Variants in MAP3K7CL observed in about 807,000 individuals in gnomAD.
MAP3K7CL encodes the protein MAP3K7 C-terminal-like protein.
MAP3K7CL carries 16 observed loss-of-function variants against 18.6 expected under a neutral mutation model. The observed-to-expected ratio is 0.86, with a 90% CI of 0.58 to 1.31. The LOEUF (loss-of-function observed/expected upper bound fraction) is 1.31, where lower values mean the gene tolerates loss of function less well. Ranked by LOEUF, MAP3K7CL falls within the 50% of genes most tolerant of loss-of-function variation. The pLI, the probability that MAP3K7CL is intolerant of heterozygous loss-of-function variation, is 0.00. For missense variants in MAP3K7CL, 163 were observed against 174.4 expected (o/e 0.93, Z 0.37); for synonymous variants, 65 against 66.8 (o/e 0.97, Z 0.13).
intron 1 of MAP3K7CL, among the ~76,000 whole-genome samples, chr21:29,090,251 A>T (rs1242623484): frequency 6.6e-6 from 1 of 152,212 alleles, no homozygotes; most frequent in Non-Finnish European, 1.5e-5. Context: ...GTTTTATAAG[A>T]TTAAAAGAGA....
chr21:29,093,550 C>T (rs556967949), intron 4 of MAP3K7CL, among the ~76,000 whole-genome samples: 3 of 152,168 alleles, frequency 2.0e-5, no homozygotes, highest in South Asian at 4.1e-4. Flanking sequence ...GGCGTGATCT[C>T]GGCTCACTGC....
chr21:29,109,477 T>A, intron 4 of MAP3K7CL: 1 of 1,143,242 alleles, frequency 8.7e-7, no homozygotes, highest in South Asian at 3.3e-5. Context: ...CATTCGGTTG[T>A]TCTCTTTGTT....
At chr21:29,107,418 C>A (rs547709627) in intron 4 of MAP3K7CL, among the ~76,000 whole-genome samples, 2 of 152,124 alleles carry the variant, frequency 1.3e-5, no homozygotes, top group Non-Finnish European at 2.9e-5. Context: ...TAGAGACTGC[C>A]GGCAGCCCAA....
chr21:29,128,249 T>C (rs1409159181), upstream of MAP3K7CL: 3 of 152,042 alleles, frequency 2.0e-5, no homozygotes, highest in African/African-American at 7.2e-5. Flanking sequence ...AGTGATACTT[T>C]TGTCTCCTCC....
At chr21:29,167,829 A>G (rs577083370) in intron 4 of MAP3K7CL, among the ~76,000 whole-genome samples, 2 of 150,956 alleles carry the variant, frequency 1.3e-5, no homozygotes, top group Non-Finnish European at 2.9e-5. Flanking sequence ...CCTCCCACGT[A>G]GCTGGGACTA....
intron 4 of MAP3K7CL, among the ~76,000 whole-genome samples, chr21:29,124,835 G>C (rs955879097): frequency 3.3e-5 from 5 of 152,150 alleles, no homozygotes; most frequent in African/African-American, 1.2e-4. Flanking sequence ...TTTTACTGGA[G>C]TCATCCATCC....
intron 4 of MAP3K7CL, among the ~76,000 whole-genome samples, chr21:29,124,581 T>G (rs1328242879): frequency 6.6e-6 from 1 of 152,230 alleles, no homozygotes; most frequent in Non-Finnish European, 1.5e-5. Context: ...AGTCCATGCT[T>G]GCTTGTTGGC....
At chr21:29,110,189 A>G (rs2086395163) in intron 4 of MAP3K7CL, among the ~76,000 whole-genome samples, 2 of 152,322 alleles carry the variant, frequency 1.3e-5, no homozygotes, top group South Asian at 2.1e-4. Flanking sequence ...TCTATTTTCC[A>G]TAAATAAAAA....
intron 2 of MAP3K7CL, among the ~76,000 whole-genome samples, chr21:29,148,264 T>C (rs936638648): frequency 2.6e-5 from 4 of 152,096 alleles, no homozygotes; most frequent in African/African-American, 9.7e-5. Context: ...TATATGTATC[T>C]GTACTGTACC....
intron 4 of MAP3K7CL, among the ~76,000 whole-genome samples, chr21:29,166,519 C>T (rs2087692428): frequency 1.3e-5 from 2 of 152,184 alleles, no homozygotes. Context: ...ATTTCCTTCA[C>T]CCCAGAAATA....
At chr21:29,087,897 T>C (rs1416489253) in intron 1 of MAP3K7CL, among the ~76,000 whole-genome samples, 1 of 152,146 alleles carries the variant, frequency 6.6e-6, no homozygotes, top group Admixed American at 6.5e-5. Flanking sequence ...CCGGTCGTGC[T>C]CATTTTCTTA....
chr21:29,094,073 A>G (rs778181030), intron 4 of MAP3K7CL, among the ~76,000 whole-genome samples: 1 of 152,252 alleles, frequency 6.6e-6, no homozygotes, highest in African/African-American at 2.4e-5. Context: ...AATCTAGGTC[A>G]TAGTAATTAC....
chr21:29,092,274 C>A, intron 3 of MAP3K7CL: 1 of 733,908 alleles, frequency 1.4e-6, no homozygotes, highest in East Asian at 2.7e-5. Flanking sequence ...AGTGCTCTTT[C>A]CCCTGATGAG....
At chr21:29,085,742 T>C (rs2085914068), upstream of MAP3K7CL, 1 of 919,668 alleles carries the variant, frequency 1.1e-6, no homozygotes, top group Non-Finnish European at 1.8e-6. Flanking sequence ...GCCAACGGCA[T>C]GGTTAGTATG....
intron 4 of MAP3K7CL, among the ~76,000 whole-genome samples, chr21:29,097,138 G>A (rs983265319): frequency 2.0e-5 from 3 of 152,020 alleles, no homozygotes; most frequent in African/African-American, 7.3e-5. Flanking sequence ...TAGTGGGAAA[G>A]GAGTTGCAGT....
intron 1 of MAP3K7CL, among the ~76,000 whole-genome samples, chr21:29,090,365 T>G (rs1033239193): frequency 6.6e-6 from 1 of 152,052 alleles, no homozygotes; most frequent in Non-Finnish European, 1.5e-5. Context: ...CAATCTCTAT[T>G]AGCTTCTTTG....
intron 1 of MAP3K7CL, chr21:29,091,353 A>G: frequency 1.8e-6 from 1 of 541,290 alleles, no homozygotes; most frequent in Non-Finnish European, 3.2e-6. Context: ...ATTTTAAAAA[A>G]TAGAATGTTT....
chr21:29,084,754 A>C (rs2085894934), upstream of MAP3K7CL, among the ~76,000 whole-genome samples: 1 of 152,234 alleles, frequency 6.6e-6, no homozygotes, highest in South Asian at 2.1e-4. Context: ...ATCTCAATGA[A>C]GAAGGAGGGT....
At chr21:29,142,024 A>T (rs915049772) in intron 2 of MAP3K7CL, among the ~76,000 whole-genome samples, 2 of 145,810 alleles carry the variant, frequency 1.4e-5, no homozygotes, top group Non-Finnish European at 1.5e-5. Flanking sequence ...GCGTAAGTTA[A>T]TTTTTTTTTT....
Sources: gnomAD v4.1 joint callset for allele counts (sites outside exome capture counted in the v4.1 genomes callset) on GRCh38, gnomAD v4.1.1 for gene constraint, MANE v1.5 for transcripts, NCBI Gene and HGNC (gene_info 2026-07-23, HGNC 2026-07-21) for gene names.